Variants in GTF2A1L observed in about 807,000 individuals in gnomAD.
GTF2A1L encodes the protein TFIIA-alpha and beta-like factor.
A neutral mutation model predicts 49.7 loss-of-function variants in GTF2A1L; 48 were observed. That is an observed-to-expected ratio of 0.97 (90% CI 0.77 to 1.23). The LOEUF (loss-of-function observed/expected upper bound fraction) is 1.23. GTF2A1L is among the 50% of genes most tolerant of loss of function. GTF2A1L has a pLI of 0.00. For synonymous variants in GTF2A1L, 246 were observed against 193.5 expected (o/e 1.27, Z -2.25); for missense variants, 736 against 564.8 (o/e 1.30, Z -3.07).
chr2:48,667,323 A>G (rs1042597744), intron 6 of GTF2A1L, among the ~76,000 whole-genome samples: 18 of 152,128 alleles, frequency 1.2e-4, no homozygotes, highest in Admixed American at 7.2e-4. Context: ...AATAGTATTT[A>G]TAGTTGGGAA....
Position 48,668,625 on chromosome 2 carries a change from A to G in GTF2A1L, c.979-1097A>G, listed in dbSNP as rs377629223. 18 of 152,346 alleles carry G rather than the reference A, an allele frequency of 1.2e-4. No homozygotes were observed. The East Asian group carries it at 1.4e-3, about 11-fold the overall frequency. 9.4% of individuals were successfully genotyped at this position (152,346 alleles called of 1,614,324 possible). A position where few individuals can be genotyped will look rare whatever the true frequency, so the allele number is the denominator to read the frequency against. On this transcript the variant is annotated intron_variant, in intron 6 of 8. Coordinates refer to ENST00000403751, the MANE Select transcript of GTF2A1L (RefSeq NM_006872.5). ...GGCGGGCGGATCACGAGGTCAGCAG[A>G]TCTACATCATCCTGGCTAACACGGT... is the stretch of plus-strand genomic sequence containing the variant.
At chr2:48,660,675 G>T (rs571807745) in intron 6 of GTF2A1L, among the ~76,000 whole-genome samples, 1 of 151,900 alleles carries the variant, frequency 6.6e-6, no homozygotes, top group Non-Finnish European at 1.5e-5. Flanking sequence ...CAGAGTCTCT[G>T]TCGCCCAGGC....
At chr2:48,645,172 A>T (rs1235159255) in intron 5 of GTF2A1L, 55 bp downstream of exon 5, 1 of 1,490,598 alleles carries the variant, frequency 6.7e-7, no homozygotes, top group Non-Finnish European at 9.1e-7. Context: ...TATTTTTTGG[A>T]CATTAAGCTT....
At chr2:48,631,982 A>G (rs1033785278) in intron 3 of GTF2A1L, among the ~76,000 whole-genome samples, 2 of 152,294 alleles carry the variant, frequency 1.3e-5, no homozygotes, top group Admixed American at 6.5e-5. Flanking sequence ...AAATCTTGGT[A>G]TACATTTGTT....
At chr2:48,661,247 CTTTTTTTTTTT>C (rs70946820) in intron 6 of GTF2A1L, among the ~76,000 whole-genome samples, 10,185 of 63,418 alleles carry the variant, frequency 0.16, 570 homozygotes, top group Middle Eastern at 0.34. Flanking sequence ...CATCCCCAAA[CTTTTTTTTTTT>C]TTTTTTTTTT....
intron 1 of GTF2A1L, among the ~76,000 whole-genome samples, chr2:48,618,414 G>T (rs1675782920): frequency 6.6e-6 from 1 of 151,952 alleles, no homozygotes. Context: ...TACCTCTAAC[G>T]GACACTTAAT....
At chr2:48,660,544 C>A (rs1484850038) in intron 6 of GTF2A1L, among the ~76,000 whole-genome samples, 1 of 151,916 alleles carries the variant, frequency 6.6e-6, no homozygotes, top group Admixed American at 6.6e-5. Flanking sequence ...AATAGATTAT[C>A]TGATTTGTTG....
rs1254472182 is a variant in GTF2A1L at position 48,626,137 on chromosome 2, C to T, written c.247+4847C>T. Among the ~76,000 whole-genome samples the T allele has an allele frequency of 1.4e-5, 2 of 143,936 alleles. 1 individual carries two copies. Among genetic ancestry groups the T allele is most frequent in the South Asian group, 4.7e-4 (2 of 4,262 alleles). 94.4% of individuals were successfully genotyped at this position (143,936 alleles called of 152,430 possible). ...ATTTATTGAAGAAACTATCCTTTCC[C>T]CATTGTGTCCTCTTAGCACCCTTGT... On this transcript the variant is annotated intron_variant, in intron 3 of 8. Coordinates refer to ENST00000403751, the MANE Select transcript of GTF2A1L (RefSeq NM_006872.5).
At chr2:48,667,526 A>T (rs1419621054) in intron 6 of GTF2A1L, among the ~76,000 whole-genome samples, 1 of 152,168 alleles carries the variant, frequency 6.6e-6, no homozygotes, top group South Asian at 2.1e-4. Context: ...AGATTTCTCT[A>T]ATTTATTCGT....
chr2:48,669,651 T>C, intron 6 of GTF2A1L, 71 bp from the exon 7 acceptor site: 2 of 1,505,962 alleles, frequency 1.3e-6, no homozygotes, highest in Non-Finnish European at 1.8e-6. Context: ...GTTTGTTAAT[T>C]TTAAATTTGG....
At chr2:48,665,104 T>C (rs549656717) in intron 6 of GTF2A1L, among the ~76,000 whole-genome samples, 1 of 152,156 alleles carries the variant, frequency 6.6e-6, no homozygotes, top group South Asian at 2.1e-4. Context: ...GTATTTTTAG[T>C]AGAGAATGGG....
intron 3 of GTF2A1L, chr2:48,632,741 G>A (rs978274872): frequency 1.2e-5 from 2 of 160,574 alleles, no homozygotes; most frequent in South Asian, 1.7e-4. Flanking sequence ...AATAAATGAA[G>A]AGCTCAAGTT....
rs1676330039 is a variant in GTF2A1L at position 48,627,021 on chromosome 2, A to G, written c.247+5731A>G. Among the ~76,000 whole-genome samples the G allele has an allele frequency of 1.4e-5, 2 of 143,342 alleles. 1 individual carries two copies. Among genetic ancestry groups the G allele is most frequent in the Non-Finnish European group, 3.1e-5 (2 of 63,850 alleles). 94.0% of individuals were successfully genotyped at this position (143,342 alleles called of 152,430 possible). The stretch of plus-strand genomic sequence containing the variant: ...TTTACTGAGTTCATCCTCTTTAAAT[A>G]TTTGGTAGAATTCAGCCATGAAGCC... On this transcript the variant is annotated intron_variant, in intron 3 of 8. Coordinates refer to ENST00000403751, the MANE Select transcript of GTF2A1L (RefSeq NM_006872.5).
At chr2:48,645,641 A>G (rs1345453941) in intron 5 of GTF2A1L, among the ~76,000 whole-genome samples, 6 of 152,098 alleles carry the variant, frequency 3.9e-5, no homozygotes, top group Middle Eastern at 3.2e-3. Flanking sequence ...ACCTAACTCA[A>G]CACTCAAAAA....
At chr2:48,656,356 T>G (rs1291389965) in intron 6 of GTF2A1L, among the ~76,000 whole-genome samples, 6 of 134,808 alleles carry the variant, frequency 4.5e-5, no homozygotes, top group African/African-American at 1.4e-4. Flanking sequence ...CTGTTTTTTT[T>G]TTTTTTTTTT....
At chr2:48,646,404 G>T in intron 5 of GTF2A1L, 49 bp from the exon 6 acceptor site, 3 of 1,373,460 alleles carry the variant, frequency 2.2e-6, no homozygotes, top group South Asian at 2.0e-5. Context: ...GGTTGTCAAA[G>T]GAAATTTTAA....
intron 4 of GTF2A1L, among the ~76,000 whole-genome samples, chr2:48,642,860 GA>G (rs77250826): frequency 0.57 from 81,899 of 143,038 alleles, 22,972 homozygotes; most frequent in East Asian, 0.93. Flanking sequence ...CTGTCTCAAA[GA>G]AAAAAAAAAA....
At chr2:48,667,161 G>A (rs1678895737) in intron 6 of GTF2A1L, among the ~76,000 whole-genome samples, 1 of 146,778 alleles carries the variant, frequency 6.8e-6, no homozygotes, top group South Asian at 2.2e-4. Context: ...ATCTTGCTAT[G>A]TTTCCAAGAC....
intron 6 of GTF2A1L, among the ~76,000 whole-genome samples, chr2:48,650,885 G>A (rs1245437408): frequency 6.6e-6 from 1 of 152,098 alleles, no homozygotes; most frequent in Non-Finnish European, 1.5e-5. Flanking sequence ...TACAATTATA[G>A]ACCACTGAAT....
Sources: gnomAD v4.1 joint callset for allele counts (sites outside exome capture counted in the v4.1 genomes callset) on GRCh38, gnomAD v4.1.1 for gene constraint, MANE v1.5 for transcripts, NCBI Gene and HGNC (gene_info 2026-07-23, HGNC 2026-07-21) for gene names.